The following BTBD16 variants were observed in gnomAD, a reference collection of about 807,000 sequenced individuals.
The protein encoded by BTBD16 is BTB/POZ domain-containing protein 16.
BTBD16 carries 66 observed loss-of-function variants against 67.4 expected under a neutral mutation model. The ratio of observed to expected loss-of-function variants is 0.98; its 90% CI spans 0.80 to 1.20. The LOEUF is 1.20. Among genes scored for constraint, BTBD16 ranks in the 50% most tolerant of loss-of-function variants. The pLI is 0.00. For missense variants in BTBD16, 634 were observed against 616.0 expected, an observed-to-expected ratio of 1.03 and a Z score of -0.31; for synonymous variants, 242 against 236.4, an observed-to-expected ratio of 1.02 and a Z score of -0.22.
intron 6 of BTBD16, 69 bp from the exon 7 acceptor site, chr10:122,291,011 G>T: frequency 1.4e-6 from 2 of 1,440,206 alleles, no homozygotes; most frequent in Non-Finnish European, 9.2e-7. Flanking sequence ...CAGGAGTGAG[G>T]GAGGGCGCTG....
chr10:122,291,003 G>A (rs1184534111), intron 6 of BTBD16, 77 bp from the exon 7 acceptor site: 1 of 1,428,338 alleles, frequency 7.0e-7, no homozygotes, highest in East Asian at 2.6e-5. Flanking sequence ...CCCAGCTGCA[G>A]GAGTGAGGGA....
rs1327439806 is a variant in BTBD16, at chr10:122,295,274, G to T, written c.591-2494G>T. ...TGACTTCCAAGAGGAGGTGGTGCTG[G>T]ACCTGAGCCTGGAAGAATTACAGCA... On this transcript the variant is annotated intron_variant, in intron 7 of 15. Coordinates refer to ENST00000260723, the MANE Select transcript of BTBD16 (RefSeq NM_144587.5). 6 of 982,158 alleles carry T rather than the reference G, an allele frequency of 6.1e-6. No individual in the cohort carries two copies. In the East Asian group the frequency reaches 5.7e-4, roughly 93 times the overall value. The allele number at this position is 982,158 out of a possible 1,614,324, so 60.8% of individuals were successfully genotyped here.
At chr10:122,331,616 G>A (rs567327683) in intron 12 of BTBD16, among the ~76,000 whole-genome samples, 36 of 152,244 alleles carry the variant, frequency 2.4e-4, no homozygotes, top group African/African-American at 7.5e-4. Flanking sequence ...TAGTTGAGAG[G>A]GGAACAACCG....
chr10:122,295,584 G>T (rs1268261260), intron 7 of BTBD16: 1 of 963,804 alleles, frequency 1.0e-6, no homozygotes, highest in Non-Finnish European at 1.2e-6. Flanking sequence ...CTGTTGAGAG[G>T]CTATGCAGAG....
chr10:122,327,517 C>T (rs142091614), intron 10 of BTBD16: 7 of 877,808 alleles, frequency 8.0e-6, no homozygotes, highest in Non-Finnish European at 9.6e-6. Flanking sequence ...CTGAGAGGCC[C>T]GGTCACAGGA....
chr10:122,337,246 C>G (rs1463297556), intron 15 of BTBD16, among the ~76,000 whole-genome samples: 1 of 152,166 alleles, frequency 6.6e-6, no homozygotes, highest in Non-Finnish European at 1.5e-5. Flanking sequence ...ACTACCAAGG[C>G]CAGAGCCCCA....
chr10:122,337,071 A>C (rs1029786809), intron 15 of BTBD16, among the ~76,000 whole-genome samples: 1 of 152,216 alleles, frequency 6.6e-6, no homozygotes, highest in Non-Finnish European at 1.5e-5. Flanking sequence ...TGCCTCACTC[A>C]GGCCCACTGG....
At chr10:122,335,302 T>A (rs1215559261) in intron 14 of BTBD16, among the ~76,000 whole-genome samples, 1 of 152,216 alleles carries the variant, frequency 6.6e-6, no homozygotes, top group African/African-American at 2.4e-5. Flanking sequence ...AATTTATACA[T>A]ACAATTCAGT....
chr10:122,291,265 T>G, intron 7 of BTBD16, 71 bp downstream of exon 7: 1 of 1,537,198 alleles, frequency 6.5e-7, no homozygotes, highest in Non-Finnish European at 8.8e-7. Flanking sequence ...CCTGGCCCAT[T>G]TGCTGGAACA....
intron 10 of BTBD16, among the ~76,000 whole-genome samples, chr10:122,315,312 G>T (rs1484586306): frequency 2.0e-5 from 3 of 152,116 alleles, no homozygotes; most frequent in Non-Finnish European, 4.4e-5. Context: ...GAGAATTGTT[G>T]ATTTATTTTT....
At chr10:122,317,444 G>A (rs1004969479) in intron 10 of BTBD16, among the ~76,000 whole-genome samples, 4 of 151,958 alleles carry the variant, frequency 2.6e-5, no homozygotes, top group Admixed American at 6.6e-5. Flanking sequence ...TCAGGAGATC[G>A]AGACCATCCT....
chr10:122,306,703 G>A (rs899292389), intron 9 of BTBD16, among the ~76,000 whole-genome samples: 1 of 152,202 alleles, frequency 6.6e-6, no homozygotes, highest in Non-Finnish European at 1.5e-5. Flanking sequence ...TCATCGAGAT[G>A]CAGTCTATTT....
At chr10:122,309,117 T>C (rs566560414) in intron 10 of BTBD16, among the ~76,000 whole-genome samples, 5 of 152,256 alleles carry the variant, frequency 3.3e-5, no homozygotes, top group African/African-American at 1.2e-4. Flanking sequence ...ACTGTGAGTC[T>C]CTGTCAGACT....
chr10:122,329,613 T>G, intron 11 of BTBD16, 42 bp downstream of exon 11: 1 of 1,564,586 alleles, frequency 6.4e-7, no homozygotes, highest in South Asian at 1.1e-5. Context: ...GGAAAGCTGC[T>G]GGGCACCTGC....
At position 122,276,779 on chromosome 10, in the gene BTBD16, A is replaced by C. The variant is rs2096341422; in HGVS notation, c.19-12A>C. On this transcript the variant is annotated splice_polypyrimidine_tract_variant and intron_variant, in intron 2 of 15. Coordinates refer to ENST00000260723, the MANE Select transcript of BTBD16 (RefSeq NM_144587.5). ...AAAAAAGATGTCTTCTCTTTCTTTG[A>C]TTACCAAGCAGCACAAAGCTCGGCT... 6.2e-7 allele frequency: 1 copy of C among 1,604,202 alleles called. No individual in the cohort carries two copies. Among genetic ancestry groups the C allele is most frequent in the Non-Finnish European group, 8.5e-7 (1 of 1,175,450 alleles).
At chr10:122,277,038 C>A in intron 3 of BTBD16, 99 bp downstream of exon 3, 3 of 1,387,726 alleles carry the variant, frequency 2.2e-6, no homozygotes, top group East Asian at 2.5e-5. Flanking sequence ...CAGTGGCTGT[C>A]AAGGGCACAT....
chr10:122,273,263 T>C (rs914668806), intron 1 of BTBD16, among the ~76,000 whole-genome samples: 3 of 145,032 alleles, frequency 2.1e-5, no homozygotes, highest in Admixed American at 7.0e-5. Flanking sequence ...TACATACATA[T>C]ATATACAGAT....
chr10:122,271,847 A>G (rs757358357), intron 1 of BTBD16, among the ~76,000 whole-genome samples: 72 of 152,342 alleles, frequency 4.7e-4, no homozygotes, highest in Admixed American at 2.5e-3. Context: ...TTGATCTAAG[A>G]AAGCAGGAGC....
chr10:122,304,293 G>T (rs748165623), intron 9 of BTBD16, among the ~76,000 whole-genome samples: 1 of 152,222 alleles, frequency 6.6e-6, no homozygotes, highest in Non-Finnish European at 1.5e-5. Context: ...AGCATGAGAG[G>T]TGGGTGACAT....
Sources: allele counts gnomAD v4.1 joint callset (sites outside exome capture counted in the v4.1 genomes callset), GRCh38; gene constraint gnomAD v4.1.1; transcripts MANE v1.5; gene names NCBI Gene and HGNC (gene_info 2026-07-23, HGNC 2026-07-21).